The following ICA1 variants were observed in gnomAD, a reference collection of about 807,000 sequenced individuals.
ICA1 encodes islet cell autoantigen 1.
A neutral mutation model predicts 71.0 loss-of-function variants in ICA1; 40 were observed. The ratio of observed to expected loss-of-function variants is 0.56; its 90% CI spans 0.44 to 0.73. The LOEUF (loss-of-function observed/expected upper bound fraction) is 0.73. ICA1 is among the 30% of genes least tolerant of loss of function. The pLI is 0.00. For synonymous variants in ICA1, 207 were observed against 209.5 expected (o/e 0.99, Z 0.10); for missense variants, 578 against 576.5 (o/e 1.00, Z -0.03).
In ICA1 at chr7:8,221,328, T is replaced by G; in HGVS notation, c.327A>C (p.Ala109=). ...TTCCTGTCGCTTGCATCATCTTTCC[T>G]GCTCTGGTTTTATCTTGGAAACCTT... ...RSQGFQDKTR[A]GKMMQATGKA... is the part of the protein sequence containing the mutation. The change falls in exon 5 of 14, where the codon GCA becomes GCC. Residue 109 remains alanine, a synonymous_variant. Transcript: ENST00000402384. The G allele has an allele frequency of 6.2e-7, 1 of 1,613,788 alleles. No individual in the cohort carries two copies. The highest frequency in any genetic ancestry group is 8.5e-7 in the Non-Finnish European group (1 of 1,179,738).
At chr7:8,208,858 T>C (rs1792586288) in intron 6 of ICA1, among the ~76,000 whole-genome samples, 1 of 152,144 alleles carries the variant, frequency 6.6e-6, no homozygotes, top group African/African-American at 2.4e-5. Flanking sequence ...AAGCATTAAG[T>C]GATGAAACAT....
At chr7:8,237,890 A>C (rs955475161) in intron 1 of ICA1, among the ~76,000 whole-genome samples, 11 of 152,000 alleles carry the variant, frequency 7.2e-5, no homozygotes, top group Non-Finnish European at 8.8e-5. Context: ...ATGGATATTT[A>C]GGTTGCTTTC....
At chr7:8,224,251 C>A (rs7784090) in intron 4 of ICA1, among the ~76,000 whole-genome samples, 1 of 151,986 alleles carries the variant, frequency 6.6e-6, no homozygotes, top group Non-Finnish European at 1.5e-5. Context: ...ATGACGATAG[C>A]CTTGGGACTA....
In ICA1 at chr7:8,113,889, G is replaced by C. The variant is rs1374450653; in HGVS notation, c.*34C>G. The C allele has an allele frequency of 6.2e-7, 1 of 1,612,960 alleles. No individual in the cohort carries two copies. Among genetic ancestry groups the C allele is most frequent in the African/African-American group, 1.3e-5 (1 of 74,892 alleles). On this transcript the variant is annotated 3_prime_UTR_variant, in exon 14 of 14. Coordinates refer to ENST00000402384, the MANE Select transcript of ICA1 (RefSeq NM_001136020.3). The surrounding 1 kb of genome is among the most constrained non-coding windows in gnomAD (Gnocchi z 4.2). Reference sequence around the variant, plus strand: ...CTAGCCCCCAGGGGAGCTGCTGGGGGCGGCATGTGAGTGCCCTCCCGAAGG... The same window carrying C: ...CTAGCCCCCAGGGGAGCTGCTGGGGCCGGCATGTGAGTGCCCTCCCGAAGG...
At chr7:8,119,394 G>A (rs938111775) in intron 13 of ICA1, among the ~76,000 whole-genome samples, 10 of 152,174 alleles carry the variant, frequency 6.6e-5, no homozygotes, top group South Asian at 2.1e-4. Flanking sequence ...AGGCAGACTC[G>A]AAGCATTATA....
At chr7:8,189,566 T>C (rs1327407289) in intron 6 of ICA1, among the ~76,000 whole-genome samples, 1 of 152,160 alleles carries the variant, frequency 6.6e-6, no homozygotes, top group African/African-American at 2.4e-5. Context: ...TTTTTTCTTC[T>C]TCTTTTTTTT....
rs763434516 is a variant in ICA1 at position 8,218,307 on chromosome 7, T to C, written c.577A>G (p.Lys193Glu). ...CTAACCCTCATAAAACCTCCTACCT[T>C]CCTGAACTTCTCCATTTGCTTGTAG... ...DLYKQMEKFR[K>E]VQTQVRLAKK... The change falls in exon 6 of 14, where the codon AAG (lysine) becomes GAG (glutamate). Residue 193 changes from lysine (K) to glutamate (E), a missense_variant and splice_region_variant. Coordinates refer to ENST00000402384, the MANE Select transcript of ICA1 (RefSeq NM_001136020.3). 1.2e-6 allele frequency: 2 copies of C among 1,614,018 alleles called. No homozygotes were observed. Among genetic ancestry groups the C allele is most frequent in the East Asian group, 4.5e-5 (2 of 44,882 alleles).
chr7:8,223,076 A>C lies in ICA1; in HGVS notation c.257-1678T>G, dbSNP rs181489070. ...TAATACTCACGCCATGGTTCTATGT[A>C]GCTTTTTAAAATTCCTATAATTATA... On this transcript the variant is annotated intron_variant, in intron 4 of 13. Coordinates refer to ENST00000402384, the MANE Select transcript of ICA1 (RefSeq NM_001136020.3). This position sits in a 1 kb window ranked among gnomAD's most constrained non-coding sequence, Gnocchi z 4.1. 2.2e-3 allele frequency among the ~76,000 whole-genome samples: 339 copies of C among 152,304 alleles called. 1 individual carries two copies. The highest frequency in any genetic ancestry group is 3.5e-3 in the Admixed American group (54 of 15,278).
intron 6 of ICA1, among the ~76,000 whole-genome samples, chr7:8,186,687 A>G (rs1052662007): frequency 7.2e-5 from 11 of 152,192 alleles, no homozygotes; most frequent in African/African-American, 2.4e-4. Context: ...GTCAACAAAA[A>G]CAAGGAGGGC....
At chr7:8,129,791 G>A (rs546418990) in intron 12 of ICA1, among the ~76,000 whole-genome samples, 1 of 152,042 alleles carries the variant, frequency 6.6e-6, no homozygotes, top group African/African-American at 2.4e-5. Flanking sequence ...CCATGCTGGT[G>A]TGTTGCACCC....
chr7:8,208,822 A>T (rs1450717245), intron 6 of ICA1, among the ~76,000 whole-genome samples: 1 of 152,184 alleles, frequency 6.6e-6, no homozygotes, highest in Admixed American at 6.5e-5. Flanking sequence ...CACAGGCACT[A>T]TACATCCCTC....
chr7:8,133,277 A>G (rs1792154080), intron 12 of ICA1, among the ~76,000 whole-genome samples: 1 of 152,112 alleles, frequency 6.6e-6, no homozygotes, highest in South Asian at 2.1e-4. Flanking sequence ...TCTAAGAAAT[A>G]AATTCCATTT....
rs887994988 is a variant in ICA1 at position 8,222,629 on chromosome 7, T to G, written c.257-1231A>C. Among the ~76,000 whole-genome samples the G allele has an allele frequency of 6.6e-6, 1 of 152,206 alleles. No homozygotes were observed. Among genetic ancestry groups the G allele is most frequent in the African/African-American group, 2.4e-5 (1 of 41,466 alleles). ...CTGCTACCTTATTAATTTGTGACTA[T>G]AGTTTCACCCTAAACATTCCCTTGG... On this transcript the variant is annotated intron_variant, in intron 4 of 13. Coordinates refer to ENST00000402384, the MANE Select transcript of ICA1 (RefSeq NM_001136020.3). The surrounding 1 kb of genome is among the most constrained non-coding windows in gnomAD (Gnocchi z 4.8).
At chr7:8,228,746 C>T (rs1341102569) in intron 3 of ICA1, 73 bp from the exon 4 acceptor site, 1 of 993,244 alleles carries the variant, frequency 1.0e-6, no homozygotes, top group South Asian at 1.6e-5. Flanking sequence ...ACATTGAACA[C>T]AACCAGAGTG....
chr7:8,253,401 G>C (rs1348615034), intron 1 of ICA1, among the ~76,000 whole-genome samples: 1 of 152,108 alleles, frequency 6.6e-6, no homozygotes, highest in Non-Finnish European at 1.5e-5. Context: ...GAAGTGGTGG[G>C]CTACTATAAG....
At chr7:8,158,159 C>T (rs1036967121) in intron 7 of ICA1, among the ~76,000 whole-genome samples, 1 of 152,026 alleles carries the variant, frequency 6.6e-6, no homozygotes, top group Non-Finnish European at 1.5e-5. Flanking sequence ...AGATATGCCA[C>T]GAGATGGACA....
At chr7:8,155,403 C>T (rs956529195) in intron 8 of ICA1, among the ~76,000 whole-genome samples, 3 of 152,146 alleles carry the variant, frequency 2.0e-5, no homozygotes, top group South Asian at 2.1e-4. Context: ...GGATAAACGT[C>T]GTAGCAAAAA....
At position 8,128,000 on chromosome 7, in the gene ICA1, G is replaced by C; in HGVS notation, c.1203C>G (p.Gly401=). ...TAGTGGGCACTGGCTCCTTCACTTG[G>C]CCGTCTCCAAACACAGCGGCCCACT... ...SKEWAAVFGD[G]QVKEPVPTMA... The change falls in exon 13 of 14, where the codon GGC becomes GGG. Residue 401 remains glycine (G), a synonymous_variant. Transcript: ENST00000402384. 6.2e-7 allele frequency: 1 copy of C among 1,614,198 alleles called. No homozygotes were observed. Among genetic ancestry groups the C allele is most frequent in the Non-Finnish European group, 8.5e-7 (1 of 1,180,044 alleles).
rs984304112 is a variant in ICA1, at chr7:8,242,653, T to C, written c.-79-6648A>G. Among the ~76,000 whole-genome samples the C allele has an allele frequency of 2.0e-5, 3 of 151,934 alleles. No homozygotes were observed. The East Asian group carries it at 5.8e-4, about 29-fold the overall frequency. On this transcript the variant is annotated intron_variant, in intron 1 of 13. Coordinates refer to ENST00000402384, the MANE Select transcript of ICA1 (RefSeq NM_001136020.3). ...TGGTTTTTTGAAAAGATCAACAAAA[T>C]TGATAGATCACTAGCAAGACTAATA... is the stretch of plus-strand genomic sequence containing the variant.
Sources: allele counts gnomAD v4.1 joint callset (sites outside exome capture counted in the v4.1 genomes callset), GRCh38; gene constraint gnomAD v4.1.1; non-coding constraint Gnocchi (gnomAD v3.1); transcripts MANE v1.5; gene names NCBI Gene and HGNC (gene_info 2026-07-23, HGNC 2026-07-21).